The following LPA variants were observed in gnomAD, a reference collection of about 807,000 sequenced individuals.
LPA encodes the protein lipoprotein(a).
In LPA, 199 loss-of-function variants were observed where a neutral mutation model predicts 197.9. The observed-to-expected ratio is 1.01, with a 90% confidence interval of 0.90 to 1.13. The LOEUF (loss-of-function observed/expected upper bound fraction) is 1.13, where lower values mean the gene tolerates loss of function less well. Ranked by LOEUF, LPA falls within the 50% of genes most tolerant of loss-of-function variation. LPA has a pLI of 0.00. For synonymous variants in LPA, 715 were observed against 639.5 expected, an observed-to-expected ratio of 1.12 and a Z score of -1.78; for missense variants, 1,853 against 1,785.8, an observed-to-expected ratio of 1.04 and a Z score of -0.68.
intron 30 of LPA, among the ~76,000 whole-genome samples, chr6:160,552,873 C>T (rs62441901): frequency 1.6e-4 from 24 of 152,032 alleles, no homozygotes; most frequent in Non-Finnish European, 3.1e-4. Context: ...TACAATAATG[C>T]TATGTATTTT....
chr6:160,592,289 C>T (rs1476607575), intron 22 of LPA, among the ~76,000 whole-genome samples: 3 of 152,186 alleles, frequency 2.0e-5, no homozygotes, highest in Admixed American at 1.3e-4. Context: ...ATCATTTTCT[C>T]GTTCACCTTT....
At chr6:160,602,791 C>CTT (rs945032776) in intron 18 of LPA, among the ~76,000 whole-genome samples, 3 of 151,970 alleles carry the variant, frequency 2.0e-5, no homozygotes, top group African/African-American at 7.3e-5. Flanking sequence ...CATTTGATCT[C>CTT]TTTTTTTTCT....
chr6:160,558,565 A>T lies in LPA; in HGVS notation c.4632-994T>A, dbSNP rs151078551. 7.6e-4 allele frequency among the ~76,000 whole-genome samples: 116 copies of T among 152,190 alleles called. 1 individual carries two copies. Among genetic ancestry groups the T allele is most frequent in the Middle Eastern group, 6.8e-3 (2 of 294 alleles). On this transcript the variant is annotated intron_variant, in intron 28 of 38. Coordinates refer to ENST00000316300, the MANE Select transcript of LPA (RefSeq NM_005577.4). ...CTAGGATGGGTTCCTGGGCAGGACC[A>T]CCTCTCCTGCTCTCAGTCCATCCTC... is the stretch of plus-strand genomic sequence containing the variant.
rs11966156 is a variant in LPA, at chr6:160,546,441, G to T, written c.5305-908C>A. 7.2e-3 allele frequency among the ~76,000 whole-genome samples: 1,098 copies of T among 152,230 alleles called. 14 individuals are homozygous for T. Among genetic ancestry groups the T allele is most frequent in the African/African-American group, 0.025 (1,057 of 41,526 alleles). On this transcript the variant is annotated intron_variant, in intron 32 of 38. Transcript: ENST00000316300. ...TCTCTTCCACCTGGCTGTTCACCAG[G>T]ATCCTTTTTAATATCTTTTATAATA...
chr6:160,580,709 T>C (rs1229621900), intron 26 of LPA, among the ~76,000 whole-genome samples: 1 of 152,202 alleles, frequency 6.6e-6, no homozygotes, highest in African/African-American at 2.4e-5. Context: ...GTGTGCATCT[T>C]CTCCTAAGAA....
intron 1 of LPA, among the ~76,000 whole-genome samples, chr6:160,653,765 A>G (rs1402143189): frequency 2.7e-5 from 4 of 148,782 alleles, no homozygotes; most frequent in Admixed American, 2.1e-4. Flanking sequence ...TCAATAAAAT[A>G]CCAGCAATTG....
intron 1 of LPA, 132 bp from the exon 2 acceptor site, chr6:160,650,629 C>T (rs1260933191): frequency 2.4e-6 from 2 of 825,720 alleles, no homozygotes; most frequent in Non-Finnish European, 4.1e-6. Context: ...AGCAGGCAGA[C>T]AGACGTGCAA....
intron 22 of LPA, among the ~76,000 whole-genome samples, chr6:160,593,704 G>A (rs1281212916): frequency 6.6e-6 from 1 of 152,166 alleles, no homozygotes; most frequent in African/African-American, 2.4e-5. Flanking sequence ...GTGGCCATGT[G>A]TCCTGAGCTT....
At chr6:160,598,828 C>T (rs1314312109) in intron 20 of LPA, among the ~76,000 whole-genome samples, 1 of 152,150 alleles carries the variant, frequency 6.6e-6, no homozygotes, top group Non-Finnish European at 1.5e-5. Context: ...TTCCCTGTGA[C>T]CCAAGATGCA....
chr6:160,592,670 G>A (rs1260478130), intron 22 of LPA, among the ~76,000 whole-genome samples: 1 of 152,166 alleles, frequency 6.6e-6, no homozygotes, highest in South Asian at 2.1e-4. Flanking sequence ...TACCTCTAAG[G>A]AGGGTTGAGT....
At chr6:160,535,554 G>C (rs1387683791) in intron 37 of LPA, among the ~76,000 whole-genome samples, 6 of 151,934 alleles carry the variant, frequency 3.9e-5, no homozygotes, top group Admixed American at 3.3e-4. Context: ...GGTAGTAGTG[G>C]TAGTGGTAGT....
In LPA at chr6:160,606,468, G is replaced by A. The variant is rs764038715; in HGVS notation, c.2785+9C>T. 1.4e-5 allele frequency: 23 copies of A among 1,613,070 alleles called. No homozygotes were observed. The highest frequency in any genetic ancestry group is 6.7e-5 in the East Asian group (3 of 44,870). On this transcript the variant is annotated intron_variant, in intron 17 of 38. Transcript: ENST00000316300. The stretch of plus-strand genomic sequence containing the variant: ...GAAACGTGTAGGTTTCTGGCCACAG[G>A]CTCCTTACCTTGTTCAGAAGGAGCC...
chr6:160,591,147 A>G, intron 22 of LPA, 46 bp from the exon 23 acceptor site: 3 of 1,608,786 alleles, frequency 1.9e-6, no homozygotes, highest in Non-Finnish European at 2.5e-6. Flanking sequence ...GGGAGAAGAT[A>G]CAAGGGCACC....
At chr6:160,571,824 G>C (rs1039127246) in intron 28 of LPA, among the ~76,000 whole-genome samples, 2 of 152,146 alleles carry the variant, frequency 1.3e-5, no homozygotes, top group African/African-American at 2.4e-5. Flanking sequence ...ATGGGGGTGG[G>C]ATCCACTGAG....
At chr6:160,626,239 A>G (rs991237693) in intron 10 of LPA, among the ~76,000 whole-genome samples, 3 of 139,126 alleles carry the variant, frequency 2.2e-5, no homozygotes, top group Admixed American at 2.1e-4. Flanking sequence ...GTTATCAGCC[A>G]TCCTTGATTC....
At chr6:160,654,095 T>C (rs1780087448) in intron 1 of LPA, among the ~76,000 whole-genome samples, 1 of 51,152 alleles carries the variant, frequency 2.0e-5, no homozygotes, top group Non-Finnish European at 3.5e-5. Flanking sequence ...ATATATTATA[T>C]ATAATATAAT....
intron 1 of LPA, among the ~76,000 whole-genome samples, chr6:160,658,662 A>G (rs1272569848): frequency 6.6e-6 from 1 of 152,176 alleles, no homozygotes; most frequent in Non-Finnish European, 1.5e-5. Context: ...TAACTCTCTA[A>G]ACAATTCAGG....
intron 28 of LPA, among the ~76,000 whole-genome samples, chr6:160,559,694 C>T (rs1778329431): frequency 6.6e-6 from 1 of 152,126 alleles, no homozygotes; most frequent in Non-Finnish European, 1.5e-5. Context: ...TTATTATTTC[C>T]ACCCATTTAC....
intron 16 of LPA, 125 bp downstream of exon 16, chr6:160,611,437 A>T: frequency 1.3e-6 from 2 of 1,511,950 alleles, no homozygotes; most frequent in South Asian, 2.2e-5. Flanking sequence ...TCATCCTGAG[A>T]CATTTTGCTA....
Sources: allele counts gnomAD v4.1 joint callset (sites outside exome capture counted in the v4.1 genomes callset), GRCh38; gene constraint gnomAD v4.1.1; transcripts MANE v1.5; gene names NCBI Gene and HGNC (gene_info 2026-07-23, HGNC 2026-07-21).